The following DPYD variants were observed in gnomAD, a reference collection of about 807,000 sequenced individuals.
The protein encoded by DPYD is dihydropyrimidine dehydrogenase, also known as dihydropyrimidine dehydrogenase [NADP(+)].
A neutral mutation model predicts 116.2 loss-of-function variants in DPYD; 109 were observed. The observed-to-expected ratio is 0.94, with a 90% CI of 0.80 to 1.10. The LOEUF is 1.10. Among genes scored for constraint, DPYD ranks in the 50% least tolerant of loss-of-function variants. The pLI is 0.00. For synonymous variants in DPYD, 440 were observed against 432.0 expected, an observed-to-expected ratio of 1.02 and a Z score of -0.23; for missense variants, 1,302 against 1,254.5, an observed-to-expected ratio of 1.04 and a Z score of -0.57.
intron 3 of DPYD, among the ~76,000 whole-genome samples, chr1:97,807,503 G>T (rs1487596531): frequency 6.6e-6 from 1 of 151,746 alleles, no homozygotes; most frequent in East Asian, 1.9e-4. Context: ...TCTTATTGTT[G>T]GATTTTAGTG....
intron 14 of DPYD, among the ~76,000 whole-genome samples, chr1:97,422,431 T>G (rs983044628): frequency 9.9e-5 from 15 of 152,190 alleles, no homozygotes; most frequent in Admixed American, 2.0e-4. Context: ...ATAACATGTT[T>G]GCTGCTAACT....
chr1:97,495,203 G>A (rs1679195623), intron 13 of DPYD, among the ~76,000 whole-genome samples: 1 of 152,074 alleles, frequency 6.6e-6, no homozygotes, highest in Non-Finnish European at 1.5e-5. Flanking sequence ...GGGCATTGTA[G>A]GCATGCTAAG....
At chr1:97,258,095 G>A (rs965986560) in intron 18 of DPYD, among the ~76,000 whole-genome samples, 9 of 151,986 alleles carry the variant, frequency 5.9e-5, no homozygotes, top group Admixed American at 4.6e-4. Flanking sequence ...TGTGTCGTAG[G>A]GCCTAGAGTA....
intron 11 of DPYD, among the ~76,000 whole-genome samples, chr1:97,554,940 G>A (rs771052986): frequency 9.2e-5 from 14 of 151,596 alleles, no homozygotes; most frequent in Non-Finnish European, 2.1e-4. Flanking sequence ...TCTCCAATTT[G>A]AAAAAAACTT....
chr1:97,332,933 T>C (rs190574448), intron 16 of DPYD, among the ~76,000 whole-genome samples: 2 of 152,166 alleles, frequency 1.3e-5, no homozygotes, highest in African/African-American at 2.4e-5. Context: ...TGGCTAAGAA[T>C]GAGTTGAACT....
chr1:97,218,484 G>A (rs1252866573), intron 19 of DPYD, among the ~76,000 whole-genome samples: 1 of 151,334 alleles, frequency 6.6e-6, no homozygotes, highest in African/African-American at 2.4e-5. Flanking sequence ...TATATTTTTG[G>A]TCTAGAGCTG....
intron 13 of DPYD, among the ~76,000 whole-genome samples, chr1:97,477,598 G>GTTC (rs1570799577): frequency 7.4e-6 from 1 of 134,998 alleles, no homozygotes; most frequent in South Asian, 2.4e-4. Context: ...TTCCATGACT[G>GTTC]TTCTTCTTTT....
chr1:97,830,074 G>C (rs1411542914), intron 2 of DPYD, among the ~76,000 whole-genome samples: 2 of 152,122 alleles, frequency 1.3e-5, no homozygotes, highest in Admixed American at 1.3e-4. Flanking sequence ...CAAAGGACAT[G>C]AATTCATCCT....
At chr1:97,326,899 CA>C (rs1421820013) in intron 16 of DPYD, among the ~76,000 whole-genome samples, 1 of 151,886 alleles carries the variant, frequency 6.6e-6, no homozygotes, top group African/African-American at 2.4e-5. Context: ...ACAGTTCTCA[CA>C]ATTAGAACTA....
At chr1:97,142,690 G>C (rs1042303597) in intron 20 of DPYD, among the ~76,000 whole-genome samples, 1 of 151,800 alleles carries the variant, frequency 6.6e-6, no homozygotes, top group African/African-American at 2.4e-5. Context: ...TTCCTCCTCA[G>C]CCATTCTTTG....
intron 19 of DPYD, among the ~76,000 whole-genome samples, chr1:97,224,414 CATG>C (rs1419605047): frequency 6.6e-6 from 1 of 151,996 alleles, no homozygotes; most frequent in Non-Finnish European, 1.5e-5. Context: ...AAGTGTACTG[CATG>C]ATGTTTTGTT....
intron 5 of DPYD, chr1:97,700,265 A>G: frequency 2.2e-6 from 1 of 455,976 alleles, no homozygotes; most frequent in South Asian, 1.5e-5. Context: ...TTGAAACCAG[A>G]GAGACACAGA....
At chr1:97,740,286 T>C in intron 4 of DPYD, 106 bp downstream of exon 4, 5 of 885,296 alleles carry the variant, frequency 5.6e-6, no homozygotes, top group Non-Finnish European at 9.1e-6. Flanking sequence ...TCATATTTAA[T>C]GGTTTAACTG....
intron 13 of DPYD, among the ~76,000 whole-genome samples, chr1:97,488,451 G>A (rs1033860613): frequency 2.0e-5 from 3 of 152,114 alleles, no homozygotes; most frequent in Middle Eastern, 3.2e-3. Flanking sequence ...AAGTAAAACA[G>A]GGAAATCTTC....
At chr1:97,523,958 G>C (rs1296425624) in intron 12 of DPYD, among the ~76,000 whole-genome samples, 1 of 151,970 alleles carries the variant, frequency 6.6e-6, no homozygotes, top group African/African-American at 2.4e-5. Context: ...AGATGTCTAA[G>C]ATGGTAAATT....
intron 13 of DPYD, among the ~76,000 whole-genome samples, chr1:97,488,383 C>T (rs181479369): frequency 3.7e-4 from 57 of 152,090 alleles, no homozygotes; most frequent in Admixed American, 3.6e-3. Context: ...AATACATGAA[C>T]CTACACTTGA....
intron 2 of DPYD, among the ~76,000 whole-genome samples, chr1:97,873,014 G>C (rs1486443321): frequency 6.6e-6 from 1 of 151,468 alleles, no homozygotes; most frequent in Non-Finnish European, 1.5e-5. Flanking sequence ...TTTAAATTCT[G>C]GTTCCTCAGG....
Position 97,098,537 on chromosome 1 carries a change from T to A in DPYD, c.2718A>T (p.Pro906=), listed in dbSNP as rs1262723934. 1 of 1,613,228 alleles carries A rather than the reference T, an allele frequency of 6.2e-7. No homozygotes were observed. The highest frequency in any genetic ancestry group is 2.2e-5 in the East Asian group (1 of 44,778). Residue 906 remains proline (P), a synonymous_variant, in exon 21 of 23, where the codon CCA becomes CCT. Coordinates refer to ENST00000370192, the MANE Select transcript of DPYD (RefSeq NM_000110.4). The part of the protein sequence containing the change: ...RLKEQNVAFS[P]LKRNCFIPKR... ...TGGGGATAAAACAGTTTCTCTTAAG[T>A]GGTGAAAAAGCTACATTTTGTTCTT...
chr1:97,173,058 T>C (rs1313217578), intron 20 of DPYD, among the ~76,000 whole-genome samples: 2 of 152,020 alleles, frequency 1.3e-5, no homozygotes, highest in Non-Finnish European at 2.9e-5. Context: ...ATGTTTGTAA[T>C]AAACAGAATT....
Sources: allele counts gnomAD v4.1 joint callset (sites outside exome capture counted in the v4.1 genomes callset), GRCh38; gene constraint gnomAD v4.1.1; transcripts MANE v1.5; gene names NCBI Gene and HGNC (gene_info 2026-07-23, HGNC 2026-07-21).